Variants in ADGRV1 observed in about 807,000 individuals in gnomAD.
ADGRV1 encodes adhesion G protein-coupled receptor V1.
A neutral mutation model predicts 596.2 loss-of-function variants in ADGRV1; 359 were observed. The observed-to-expected ratio is 0.60, with a 90% CI of 0.55 to 0.66. The LOEUF (loss-of-function observed/expected upper bound fraction) is 0.66, where lower values mean the gene tolerates loss of function less well. ADGRV1 is among the 30% of genes least tolerant of loss of function. The pLI is 0.00. For synonymous variants in ADGRV1, 2,681 were observed against 2,679.2 expected (o/e 1.00, Z -0.02); for missense variants, 7,274 against 7,575.6 (o/e 0.96, Z 1.48).
At chr5:90,579,071 AT>A (rs1298143225) in intron 1 of ADGRV1, among the ~76,000 whole-genome samples, 3 of 151,936 alleles carry the variant, frequency 2.0e-5, no homozygotes, top group African/African-American at 7.3e-5. Context: ...GGATTCATTG[AT>A]TTTTTTGAAG....
At chr5:91,156,628 A>G (rs765311456) in intron 89 of ADGRV1, among the ~76,000 whole-genome samples, 18 of 152,246 alleles carry the variant, frequency 1.2e-4, no homozygotes, top group Non-Finnish European at 2.1e-4. Context: ...ATTTGGTTCT[A>G]GAATGTAAGG....
At chr5:90,743,820 G>A (rs997909787) in intron 50 of ADGRV1, among the ~76,000 whole-genome samples, 4 of 151,876 alleles carry the variant, frequency 2.6e-5, no homozygotes, top group Admixed American at 2.0e-4. Flanking sequence ...ACTGGAATTT[G>A]TACATGTTTT....
intron 1 of ADGRV1, among the ~76,000 whole-genome samples, chr5:90,596,371 C>G (rs1405717696): frequency 2.6e-5 from 4 of 151,734 alleles, no homozygotes; most frequent in Non-Finnish European, 5.9e-5. Context: ...AGACGCTCCT[C>G]ACTTCCCAGA....
intron 75 of ADGRV1, among the ~76,000 whole-genome samples, chr5:90,817,442 C>G (rs1763011989): frequency 6.6e-6 from 1 of 151,048 alleles, no homozygotes; most frequent in African/African-American, 2.5e-5. Context: ...TCAATTTTGG[C>G]TTTTGTTGCC....
intron 85 of ADGRV1, among the ~76,000 whole-genome samples, chr5:91,056,534 G>A (rs535982072): frequency 3.7e-4 from 57 of 152,120 alleles, no homozygotes; most frequent in African/African-American, 1.2e-3. Context: ...TTTTCTTTCA[G>A]TCAGCTCATG....
At chr5:90,804,587 T>G (rs1249011403) in intron 71 of ADGRV1, among the ~76,000 whole-genome samples, 1 of 152,208 alleles carries the variant, frequency 6.6e-6, no homozygotes, top group Non-Finnish European at 1.5e-5. Context: ...AATATATAAC[T>G]CTTGATTAAA....
chr5:91,095,484 G>A (rs908755859), intron 86 of ADGRV1, among the ~76,000 whole-genome samples: 23 of 152,142 alleles, frequency 1.5e-4, no homozygotes, highest in African/African-American at 5.5e-4. Context: ...GCAGTTCTGT[G>A]AAATATGTGC....
intron 83 of ADGRV1, among the ~76,000 whole-genome samples, chr5:90,927,196 T>A (rs1029781710): frequency 1.1e-4 from 16 of 151,018 alleles, no homozygotes; most frequent in African/African-American, 3.5e-4. Flanking sequence ...CCTTGTTGAC[T>A]TTCTGTCTCG....
At chr5:90,982,180 A>G (rs2151034889) in intron 84 of ADGRV1, among the ~76,000 whole-genome samples, 1 of 152,192 alleles carries the variant, frequency 6.6e-6, no homozygotes, top group East Asian at 1.9e-4. Flanking sequence ...ATTGTTTAAT[A>G]TGAGAAGTAT....
chr5:91,084,868 G>A (rs1010261078), intron 86 of ADGRV1, among the ~76,000 whole-genome samples: 4 of 152,156 alleles, frequency 2.6e-5, no homozygotes, highest in African/African-American at 9.7e-5. Flanking sequence ...AGAAAATGTG[G>A]CACATATACA....
intron 85 of ADGRV1, among the ~76,000 whole-genome samples, chr5:91,002,212 A>C (rs1330328554): frequency 6.6e-6 from 1 of 152,114 alleles, no homozygotes; most frequent in East Asian, 1.9e-4. Context: ...TGTTCTGCTC[A>C]ATGAAATTTT....
intron 83 of ADGRV1, among the ~76,000 whole-genome samples, chr5:90,864,228 G>A (rs1476880585): frequency 6.6e-6 from 1 of 152,106 alleles, no homozygotes; most frequent in South Asian, 2.1e-4. Flanking sequence ...GCATTAAGAT[G>A]ATATAAACTT....
intron 1 of ADGRV1, among the ~76,000 whole-genome samples, chr5:90,578,720 C>T (rs183262714): frequency 9.9e-5 from 15 of 152,210 alleles, no homozygotes; most frequent in African/African-American, 2.9e-4. Context: ...TGGTAGAATT[C>T]GGCTGTGAAT....
intron 21 of ADGRV1, among the ~76,000 whole-genome samples, chr5:90,667,477 C>G (rs1221230911): frequency 4.1e-5 from 6 of 147,764 alleles, no homozygotes; most frequent in Admixed American, 3.4e-4. Flanking sequence ...CCTTTAAGCA[C>G]TTCTCTGTAT....
At chr5:90,995,819 T>C (rs1201462639) in intron 85 of ADGRV1, among the ~76,000 whole-genome samples, 3 of 152,082 alleles carry the variant, frequency 2.0e-5, no homozygotes, top group Admixed American at 2.0e-4. Context: ...GGAGTAAAGG[T>C]CACTCTTGCT....
rs1796208908 is a variant in ADGRV1, at chr5:91,153,272, C to A, written c.18676C>A (p.Pro6226Thr). ...CTTCCAACAGGGCAGTCAGGCCAGC[C>A]CTGATTTAAAGCCAAGTCCACAAAA... is the stretch of plus-strand genomic sequence containing the variant. ...ASFQQGSQAS[P>T]DLKPSPQNGA... Residue 6226 changes from proline to threonine, a missense_variant, in exon 89 of 90, where the codon CCT becomes ACT. Coordinates refer to ENST00000405460, the MANE Select transcript of ADGRV1 (RefSeq NM_032119.4). 1.1e-5 allele frequency: 17 copies of A among 1,609,364 alleles called. No individual in the cohort carries two copies. Among genetic ancestry groups the A allele is most frequent in the Non-Finnish European group, 1.4e-5 (17 of 1,177,852 alleles).
At chr5:90,984,810 G>A (rs559790553) in intron 84 of ADGRV1, among the ~76,000 whole-genome samples, 6 of 152,196 alleles carry the variant, frequency 3.9e-5, no homozygotes, top group East Asian at 1.9e-4. Flanking sequence ...CTCTCTGTGC[G>A]ATCATTTTCT....
intron 85 of ADGRV1, among the ~76,000 whole-genome samples, chr5:91,050,340 T>C (rs1388554572): frequency 6.6e-6 from 1 of 152,230 alleles, no homozygotes; most frequent in Non-Finnish European, 1.5e-5. Flanking sequence ...GTTTGGCTTC[T>C]AAATAGTGTA....
chr5:90,988,891 T>A (rs1780725933), intron 85 of ADGRV1, among the ~76,000 whole-genome samples: 1 of 149,966 alleles, frequency 6.7e-6, no homozygotes, highest in Non-Finnish European at 1.5e-5. Flanking sequence ...ACATGTGGTG[T>A]TTGGTTTTTT....
Sources: gnomAD v4.1 joint callset for allele counts (sites outside exome capture counted in the v4.1 genomes callset) on GRCh38, gnomAD v4.1.1 for gene constraint, MANE v1.5 for transcripts, NCBI Gene and HGNC (gene_info 2026-07-23, HGNC 2026-07-21) for gene names.